ATOSA: variants seen among roughly 807,000 people sequenced by gnomAD.
ATOSA encodes atos homolog protein A.
At chr15:52,686,429 G>A in the ATOSA span, among the ~76,000 whole-genome samples, 1 of 152,146 alleles carries the variant, frequency 6.6e-6, no homozygotes, top group Admixed American at 6.5e-5. Flanking sequence ...AGATTTGTAA[G>A]AGAAATCTTT....
chr15:52,699,269 G>T, the ATOSA span, among the ~76,000 whole-genome samples: 3 of 152,084 alleles, frequency 2.0e-5, no homozygotes, highest in Non-Finnish European at 4.4e-5. Context: ...TGGCAGTTGG[G>T]ACCGAAGAAC....
At chr15:52,684,315 G>C in the ATOSA span, among the ~76,000 whole-genome samples, 1 of 152,192 alleles carries the variant, frequency 6.6e-6, no homozygotes, top group Non-Finnish European at 1.5e-5. Context: ...TGGGAGGCTT[G>C]CTTGAGGTCA....
At chr15:52,596,129 A>C in the ATOSA span, among the ~76,000 whole-genome samples, 4 of 152,110 alleles carry the variant, frequency 2.6e-5, no homozygotes, top group African/African-American at 9.7e-5. Flanking sequence ...AAAAATAAAA[A>C]AGATGTCCAA....
At chr15:52,655,035 G>A in the ATOSA span, among the ~76,000 whole-genome samples, 11 of 152,046 alleles carry the variant, frequency 7.2e-5, no homozygotes, top group Non-Finnish European at 1.3e-4. Context: ...TCCTCAGGTA[G>A]TTGTTATCCC....
At chr15:52,670,124 C>CT in the ATOSA span, among the ~76,000 whole-genome samples, 3 of 152,136 alleles carry the variant, frequency 2.0e-5, no homozygotes, top group African/African-American at 7.2e-5. Context: ...CTGGTTTTGA[C>CT]TTTTTTCTAT....
At chr15:52,656,434 T>C in the ATOSA span, 1 of 152,024 alleles carries the variant, frequency 6.6e-6, no homozygotes, top group Non-Finnish European at 1.5e-5. Context: ...ATAAACCAAA[T>C]GGCCAAACAG....
chr15:52,680,389 T>C, the ATOSA span, among the ~76,000 whole-genome samples: 341 of 152,312 alleles, frequency 2.2e-3, no homozygotes, highest in African/African-American at 8.0e-3. Context: ...TTAGATATAA[T>C]TTTGCATAAA....
chr15:52,670,648 G>T, the ATOSA span, among the ~76,000 whole-genome samples: 1 of 152,248 alleles, frequency 6.6e-6, no homozygotes, highest in South Asian at 2.1e-4. Flanking sequence ...TTTCTGTCAG[G>T]ATAGCAAGAG....
the ATOSA span, among the ~76,000 whole-genome samples, chr15:52,707,053 T>C: frequency 6.6e-6 from 1 of 152,144 alleles, no homozygotes; most frequent in Non-Finnish European, 1.5e-5. Context: ...TGAAATATAT[T>C]AATAAAACTG....
At chr15:52,635,807 C>T in the ATOSA span, among the ~76,000 whole-genome samples, 2 of 151,956 alleles carry the variant, frequency 1.3e-5, no homozygotes, top group East Asian at 3.9e-4. Context: ...ATCAGCCTGG[C>T]CAACACGGTG....
At chr15:52,696,333 C>T in the ATOSA span, among the ~76,000 whole-genome samples, 1 of 152,110 alleles carries the variant, frequency 6.6e-6, no homozygotes, top group African/African-American at 2.4e-5. Flanking sequence ...TTCCAAATAC[C>T]AGCCACTGCC....
At chr15:52,618,890 T>G in the ATOSA span, among the ~76,000 whole-genome samples, 1 of 152,258 alleles carries the variant, frequency 6.6e-6, no homozygotes, top group East Asian at 1.9e-4. Context: ...TTTGGTTGCT[T>G]TGGTCATTGT....
the ATOSA span, among the ~76,000 whole-genome samples, chr15:52,662,167 T>C: frequency 1.3e-5 from 2 of 151,346 alleles, no homozygotes; most frequent in Admixed American, 1.3e-4. Flanking sequence ...ATGACCACCA[T>C]TTTTTTTTAA....
At chr15:52,605,838 C>A in the ATOSA span, among the ~76,000 whole-genome samples, 1 of 151,982 alleles carries the variant, frequency 6.6e-6, no homozygotes, top group Non-Finnish European at 1.5e-5. Flanking sequence ...GGGATATATT[C>A]CATGAACCCC....
At chr15:52,703,352 T>G in the ATOSA span, among the ~76,000 whole-genome samples, 4 of 152,188 alleles carry the variant, frequency 2.6e-5, no homozygotes, top group Non-Finnish European at 4.4e-5. Context: ...TCAACTATAC[T>G]TCAATAAAGC....
At chr15:52,636,792 G>C in the ATOSA span, among the ~76,000 whole-genome samples, 1 of 152,162 alleles carries the variant, frequency 6.6e-6, no homozygotes, top group Non-Finnish European at 1.5e-5. Flanking sequence ...CTTGCCCTTA[G>C]CTCTAGATTC....
the ATOSA span, among the ~76,000 whole-genome samples, chr15:52,649,120 T>C: frequency 6.6e-6 from 1 of 152,150 alleles, no homozygotes; most frequent in Non-Finnish European, 1.5e-5. Flanking sequence ...ACTATATACT[T>C]GCAAAAGCAA....
the ATOSA span, chr15:52,658,761 T>C: frequency 2.8e-6 from 1 of 353,176 alleles, no homozygotes; most frequent in Admixed American, 5.3e-5. Flanking sequence ...GGACATGAGT[T>C]TAAGACCAGG....
the ATOSA span, among the ~76,000 whole-genome samples, chr15:52,655,632 A>G: frequency 5.3e-5 from 8 of 152,146 alleles, no homozygotes; most frequent in Non-Finnish European, 1.5e-5. Flanking sequence ...AAAATAGGAC[A>G]GGATAAAATT....
Sources: gnomAD v4.1 joint callset for allele counts (sites outside exome capture counted in the v4.1 genomes callset) on GRCh38, gnomAD v4.1.1 for gene constraint, MANE v1.5 for transcripts, NCBI Gene and HGNC (gene_info 2026-07-23, HGNC 2026-07-21) for gene names.